Variants in RYR2 observed in about 807,000 individuals in gnomAD.
The protein encoded by RYR2 is ryanodine receptor 2, also known as cardiac muscle ryanodine receptor-calcium release channel.
RYR2 carries 227 observed loss-of-function variants against 601.1 expected under a neutral mutation model. The observed-to-expected ratio is 0.38, with a 90% CI of 0.34 to 0.42. RYR2 has a LOEUF of 0.42. Ranked by LOEUF, RYR2 falls within the 10% of genes least tolerant of loss-of-function variation. The pLI is 1.00. For synonymous variants in RYR2, 2,223 were observed against 2,175.1 expected, an observed-to-expected ratio of 1.02 and a Z score of -0.61; for missense variants, 4,646 against 6,156.5, an observed-to-expected ratio of 0.75 and a Z score of 8.21.
At chr1:237,789,121 C>A (rs926714441) in intron 92 of RYR2, among the ~76,000 whole-genome samples, 1 of 151,896 alleles carries the variant, frequency 6.6e-6, no homozygotes, top group African/African-American at 2.4e-5. Context: ...AATCCACCTA[C>A]AAGAGGTACT....
At chr1:237,232,910 G>A (rs978754870) in intron 1 of RYR2, among the ~76,000 whole-genome samples, 22 of 152,172 alleles carry the variant, frequency 1.4e-4, no homozygotes, top group African/African-American at 5.3e-4. Context: ...TCAAGTTTGA[G>A]TTTTTCCTCA....
Position 237,407,339 on chromosome 1 carries a change from G to A in RYR2, c.774-9710G>A, listed in dbSNP as rs369971453. ...AGAAGCACAATTGGTGAATCCTATG[G>A]TAAGAGTATGTTTAGCTTTTTAAGA... On this transcript the variant is annotated intron_variant, in intron 10 of 104. Coordinates refer to ENST00000366574, the MANE Select transcript of RYR2 (RefSeq NM_001035.3). Among the ~76,000 whole-genome samples the A allele has an allele frequency of 5.3e-4, 80 of 151,076 alleles. 1 individual carries two copies. In the South Asian group the frequency reaches 0.015, roughly 29 times the overall value.
At chr1:237,820,322 C>A (rs1263298568) in intron 101 of RYR2, among the ~76,000 whole-genome samples, 3 of 152,206 alleles carry the variant, frequency 2.0e-5, no homozygotes, top group South Asian at 4.2e-4. Flanking sequence ...ACTGAGGTAC[C>A]CAGTTCATCT....
chr1:237,154,915 G>A (rs1040745320), intron 1 of RYR2, among the ~76,000 whole-genome samples: 5 of 152,140 alleles, frequency 3.3e-5, no homozygotes, highest in African/African-American at 4.8e-5. Flanking sequence ...CAATAAAGGT[G>A]AAGAATGCCC....
intron 34 of RYR2, among the ~76,000 whole-genome samples, chr1:237,598,115 A>G (rs1330336398): frequency 6.6e-6 from 1 of 152,260 alleles, no homozygotes; most frequent in Non-Finnish European, 1.5e-5. Context: ...TTAAGAAGAT[A>G]TAACAATTGT....
At chr1:237,440,789 G>A (rs780053490) in intron 12 of RYR2, among the ~76,000 whole-genome samples, 4 of 151,968 alleles carry the variant, frequency 2.6e-5, no homozygotes, top group Admixed American at 6.6e-5. Flanking sequence ...TGTTTATCCC[G>A]GGGACACTAT....
chr1:237,044,665 A>T (rs12123625), intron 1 of RYR2, among the ~76,000 whole-genome samples: 20,662 of 149,270 alleles, frequency 0.14, 1,782 homozygotes, highest in Non-Finnish European at 0.17. Context: ...TTGGTATAGC[A>T]TTAACATCTA....
chr1:237,668,542 T>C (rs898584752), intron 58 of RYR2, among the ~76,000 whole-genome samples: 1 of 152,384 alleles, frequency 6.6e-6, no homozygotes, highest in South Asian at 2.1e-4. Flanking sequence ...GTGGTGTCTG[T>C]GTGTGTGCGC....
chr1:237,454,032 C>G (rs1301734258), intron 14 of RYR2, among the ~76,000 whole-genome samples: 1 of 152,114 alleles, frequency 6.6e-6, no homozygotes, highest in East Asian at 1.9e-4. Context: ...AAGGAAATGT[C>G]AGAATTATGA....
chr1:237,157,018 G>A (rs1303073237), intron 1 of RYR2, among the ~76,000 whole-genome samples: 8 of 152,040 alleles, frequency 5.3e-5, no homozygotes, highest in East Asian at 1.9e-4. Context: ...CATACGGGCC[G>A]GGCACAGTGG....
At chr1:237,487,633 T>C (rs1156708887) in intron 17 of RYR2, among the ~76,000 whole-genome samples, 1 of 148,812 alleles carries the variant, frequency 6.7e-6, no homozygotes, top group Non-Finnish European at 1.5e-5. Context: ...TACGGGAGGC[T>C]AAGGTGGGAG....
chr1:237,824,369 C>A (rs1662862491), intron 101 of RYR2, among the ~76,000 whole-genome samples: 1 of 152,168 alleles, frequency 6.6e-6, no homozygotes, highest in African/African-American at 2.4e-5. Context: ...AAGGCTGGTT[C>A]AACATACGCA....
At chr1:237,730,230 C>A in intron 76 of RYR2, 30 bp from the exon 77 acceptor site, 14 of 1,259,822 alleles carry the variant, frequency 1.1e-5, no homozygotes, top group Non-Finnish European at 1.6e-5. Flanking sequence ...TTCTAAACAC[C>A]CTTTTTCTGA....
intron 54 of RYR2, among the ~76,000 whole-genome samples, 152 bp from the exon 55 acceptor site, chr1:237,659,833 T>C (rs535478365): frequency 6.6e-6 from 1 of 152,376 alleles, no homozygotes; most frequent in African/African-American, 2.4e-5. Flanking sequence ...AATATCTTTA[T>C]AGTGACTTAT....
intron 92 of RYR2, among the ~76,000 whole-genome samples, chr1:237,788,482 C>G (rs1463262731): frequency 6.6e-6 from 1 of 152,088 alleles, no homozygotes; most frequent in African/African-American, 2.4e-5. Context: ...CAAGATGTGC[C>G]TTCTAGGACA....
chr1:237,265,711 G>A (rs1688998864), intron 1 of RYR2, among the ~76,000 whole-genome samples: 2 of 152,220 alleles, frequency 1.3e-5, no homozygotes. Flanking sequence ...CAGATTGATG[G>A]TGTGGCCTCA....
At chr1:237,623,965 A>T in intron 39 of RYR2, 95 bp downstream of exon 39, 1 of 772,688 alleles carries the variant, frequency 1.3e-6, no homozygotes, top group Non-Finnish European at 2.2e-6. Context: ...TATTTTCACG[A>T]ATACACACGA....
At chr1:237,392,972 C>T (rs868629604) in intron 10 of RYR2, among the ~76,000 whole-genome samples, 5 of 151,990 alleles carry the variant, frequency 3.3e-5, no homozygotes, top group South Asian at 4.1e-4. Context: ...TGGGCATATG[C>T]GGCAATAAAT....
chr1:237,148,623 C>T (rs186085312), intron 1 of RYR2, among the ~76,000 whole-genome samples: 3 of 146,714 alleles, frequency 2.0e-5, no homozygotes, highest in East Asian at 2.0e-4. Context: ...TTATTGTAAA[C>T]ACAAGTTTAT....
Sources: gnomAD v4.1 joint callset for allele counts (sites outside exome capture counted in the v4.1 genomes callset) on GRCh38, gnomAD v4.1.1 for gene constraint, MANE v1.5 for transcripts, NCBI Gene and HGNC (gene_info 2026-07-23, HGNC 2026-07-21) for gene names.